DOCK2: variants seen among roughly 807,000 people sequenced by gnomAD.
DOCK2 encodes dedicator of cytokinesis 2.
In DOCK2, 87 loss-of-function variants were observed where a neutral mutation model predicts 248.9. The observed-to-expected ratio is 0.35, with a 90% confidence interval of 0.29 to 0.42. The LOEUF is 0.42. Among genes scored for constraint, DOCK2 ranks in the 10% least tolerant of loss-of-function variants. DOCK2 has a pLI of 1.00. For synonymous variants in DOCK2, 805 were observed against 821.6 expected (o/e 0.98, Z 0.35); for missense variants, 1,747 against 2,300.2 (o/e 0.76, Z 4.92).
intron 28 of DOCK2, among the ~76,000 whole-genome samples, chr5:169,984,345 A>G (rs1193131695): frequency 6.6e-6 from 1 of 152,194 alleles, no homozygotes; most frequent in Non-Finnish European, 1.5e-5. Context: ...GACATCAAGT[A>G]TGAATAATAT....
intron 50 of DOCK2, 39 bp downstream of exon 50, chr5:170,080,322 T>C: frequency 6.2e-7 from 1 of 1,611,934 alleles, no homozygotes; most frequent in Non-Finnish European, 8.5e-7. Flanking sequence ...GGAGTAGAGA[T>C]AGTGCAGGCC....
intron 2 of DOCK2, among the ~76,000 whole-genome samples, chr5:169,665,301 T>C (rs1758655497): frequency 7.2e-6 from 1 of 139,248 alleles, no homozygotes; most frequent in Non-Finnish European, 1.5e-5. Context: ...TCAGCATATC[T>C]ATATATGTTT....
chr5:170,030,115 G>A (rs755118999), intron 34 of DOCK2, among the ~76,000 whole-genome samples: 1 of 152,248 alleles, frequency 6.6e-6, no homozygotes, highest in Non-Finnish European at 1.5e-5. Flanking sequence ...TTGACCAGAA[G>A]TGAAGCAATG....
chr5:169,745,053 T>A (rs910702992), intron 22 of DOCK2, among the ~76,000 whole-genome samples: 2 of 152,198 alleles, frequency 1.3e-5, no homozygotes, highest in Admixed American at 6.5e-5. Flanking sequence ...TGGAATTCAT[T>A]CAGCGTTTTC....
At chr5:169,794,010 G>T (rs1766500834) in intron 25 of DOCK2, among the ~76,000 whole-genome samples, 1 of 152,090 alleles carries the variant, frequency 6.6e-6, no homozygotes, top group Non-Finnish European at 1.5e-5. Flanking sequence ...CTGTCACCTG[G>T]TTAATTTCCT....
At chr5:169,947,882 A>G (rs1460535802) in intron 27 of DOCK2, among the ~76,000 whole-genome samples, 1 of 152,202 alleles carries the variant, frequency 6.6e-6, no homozygotes, top group African/African-American at 2.4e-5. Flanking sequence ...GAGCATGAGC[A>G]TACAGGCATT....
chr5:169,817,057 A>T (rs566503822), intron 26 of DOCK2, among the ~76,000 whole-genome samples: 4 of 152,104 alleles, frequency 2.6e-5, no homozygotes, highest in Non-Finnish European at 5.9e-5. Flanking sequence ...ACACTTTTAT[A>T]TTATCCATCC....
intron 36 of DOCK2, among the ~76,000 whole-genome samples, chr5:170,039,786 G>A (rs1419741706): frequency 6.6e-6 from 1 of 152,210 alleles, no homozygotes; most frequent in Non-Finnish European, 1.5e-5. Context: ...GAGAAACCCT[G>A]TGTTCCCTGG....
intron 22 of DOCK2, among the ~76,000 whole-genome samples, chr5:169,731,041 A>T (rs1230924108): frequency 2.0e-5 from 3 of 151,854 alleles, no homozygotes; most frequent in Admixed American, 6.6e-5. Context: ...TAATTTTTAA[A>T]TTTTTTTGTG....
At chr5:169,963,972 C>G (rs1777195585) in intron 27 of DOCK2, among the ~76,000 whole-genome samples, 3 of 152,084 alleles carry the variant, frequency 2.0e-5, no homozygotes, top group Non-Finnish European at 2.9e-5. Flanking sequence ...GAGAGAACCA[C>G]TGCTTCAAGG....
At chr5:169,747,315 A>G (rs1329498570) in intron 22 of DOCK2, 81 bp from the exon 23 acceptor site, 3 of 1,296,604 alleles carry the variant, frequency 2.3e-6, no homozygotes, top group Middle Eastern at 1.9e-4. Context: ...TTTAAATTTT[A>G]AATGAAGTTT....
At chr5:169,798,688 G>A (rs1053436271) in intron 25 of DOCK2, among the ~76,000 whole-genome samples, 4 of 152,128 alleles carry the variant, frequency 2.6e-5, no homozygotes, top group African/African-American at 7.2e-5. Flanking sequence ...TGTTGGCTCC[G>A]TGCAGTGCTG....
rs748719391 is a variant in DOCK2, at chr5:170,076,009, C to A, written c.4791C>A (p.Pro1597=). Residue 1597 remains proline (P), a synonymous_variant, in exon 47 of 52, where the codon CCC becomes CCA. Transcript: ENST00000520908. ...HEKRVSDNLR[P]FHDRMEECFK... is the part of the protein sequence containing the mutation. ...AAAGGGTGTCAGATAACTTGCGACCCTTCCATGACCGGATGGAGGAATGTT... is the reference window on the plus strand; with the variant it reads ...AAAGGGTGTCAGATAACTTGCGACCATTCCATGACCGGATGGAGGAATGTT... The A allele has an allele frequency of 1.2e-6, 2 of 1,614,004 alleles. No individual in the cohort carries two copies. Among genetic ancestry groups the A allele is most frequent in the African/African-American group, 2.7e-5 (2 of 74,878 alleles).
At chr5:170,041,200 A>T in intron 37 of DOCK2, 55 bp downstream of exon 37, 1 of 1,457,050 alleles carries the variant, frequency 6.9e-7, no homozygotes, top group Non-Finnish European at 9.6e-7. Flanking sequence ...AGGGCCTCAC[A>T]GCAAGTTGAA....
At chr5:169,702,037 C>T (rs2112702) in intron 13 of DOCK2, 189,701 of 303,822 alleles carry the variant, frequency 0.62, 61,281 homozygotes, top group East Asian at 0.87. Flanking sequence ...AATTAAATGA[C>T]TTTTAATGTC....
At chr5:169,662,208 C>G (rs2113231784) in intron 2 of DOCK2, among the ~76,000 whole-genome samples, 1 of 152,326 alleles carries the variant, frequency 6.6e-6, no homozygotes, top group South Asian at 2.1e-4. Context: ...TTTCTAACAA[C>G]TAATGATGTC....
chr5:170,079,359 T>C (rs1052244367), intron 49 of DOCK2: 3 of 573,322 alleles, frequency 5.2e-6, no homozygotes, highest in Middle Eastern at 9.9e-4. Context: ...GAGCTGGGAG[T>C]TGAGCCCTGA....
chr5:169,768,189 C>G (rs1467736746), intron 25 of DOCK2, among the ~76,000 whole-genome samples: 2 of 152,138 alleles, frequency 1.3e-5, no homozygotes, highest in Non-Finnish European at 2.9e-5. Flanking sequence ...ATGTGCTCTG[C>G]CAGTTCCACC....
intron 20 of DOCK2, among the ~76,000 whole-genome samples, 154 bp downstream of exon 20, chr5:169,716,456 G>A (rs150503757): frequency 5.3e-5 from 8 of 152,298 alleles, no homozygotes; most frequent in South Asian, 4.1e-4. Flanking sequence ...CCAATAATGA[G>A]CTGCTATTTC....
Sources: gnomAD v4.1 joint callset for allele counts (sites outside exome capture counted in the v4.1 genomes callset) on GRCh38, gnomAD v4.1.1 for gene constraint, MANE v1.5 for transcripts, NCBI Gene and HGNC (gene_info 2026-07-23, HGNC 2026-07-21) for gene names.